Variants in LMAN1 observed in about 807,000 individuals in gnomAD.
LMAN1 encodes protein ERGIC-53.
Under a neutral mutation model 67.8 loss-of-function variants are expected in LMAN1, and 32 were observed. The ratio of observed to expected loss-of-function variants is 0.47; its 90% CI spans 0.36 to 0.63. The LOEUF (loss-of-function observed/expected upper bound fraction) is 0.63. Ranked by LOEUF, LMAN1 falls within the 30% of genes least tolerant of loss-of-function variation. LMAN1 has a pLI of 0.00. For synonymous variants in LMAN1, 235 were observed against 219.3 expected, an observed-to-expected ratio of 1.07 and a Z score of -0.63; for missense variants, 632 against 628.2, an observed-to-expected ratio of 1.01 and a Z score of -0.06.
At position 59,333,559 on chromosome 18, in the gene LMAN1, A is replaced by C. The variant is rs1908076261; in HGVS notation, c.1221-315T>G. The C allele has an allele frequency of 3.7e-5, 11 of 296,940 alleles. No individual in the cohort carries two copies. The South Asian group carries it at 3.7e-4, about 10-fold the overall frequency. The allele number at this position is 296,940 out of a possible 1,614,324, so 18.4% of individuals were successfully genotyped here. On this transcript the variant is annotated intron_variant, in intron 10 of 12. Transcript: ENST00000251047. Reference sequence around the variant, plus strand: ...TGATATTTTTAATGAAGTTATAATAAATCTTTCTAGGTGTTCAGCTGTACA... The same window carrying C: ...TGATATTTTTAATGAAGTTATAATACATCTTTCTAGGTGTTCAGCTGTACA...
chr18:59,351,982 T>C (rs985585638), intron 5 of LMAN1, among the ~76,000 whole-genome samples: 1 of 152,252 alleles, frequency 6.6e-6, no homozygotes, highest in African/African-American at 2.4e-5. Context: ...CTCAGAGATT[T>C]AGACCCAGGA....
chr18:59,341,401 T>G (rs1343944142), intron 8 of LMAN1, among the ~76,000 whole-genome samples: 1 of 152,160 alleles, frequency 6.6e-6, no homozygotes, highest in East Asian at 1.9e-4. Context: ...GGAATATACA[T>G]TCTTTTCACC....
At chr18:59,335,739 T>C (rs887514860) in intron 10 of LMAN1, among the ~76,000 whole-genome samples, 1 of 152,088 alleles carries the variant, frequency 6.6e-6, no homozygotes, top group Non-Finnish European at 1.5e-5. Context: ...ATATCAGCCA[T>C]AATGAAAAGA....
rs1568118365 is a variant in LMAN1, at chr18:59,354,544, C to T, written c.514G>A (p.Gly172Arg). ...TTTTGATGGTCATAATGGATTTGTC[C>T]ATTGTTGCCTATAATTACTATAGCA... ...NPAIVIIGNN[G>R]QIHYDHQNDG... Residue 172 changes from glycine to arginine, a missense_variant, in exon 4 of 13, where the codon GGA becomes AGA. Transcript: ENST00000251047. 1 of 1,514,488 alleles carries T rather than the reference C, an allele frequency of 6.6e-7. No individual in the cohort carries two copies. The highest frequency in any genetic ancestry group is 9.2e-7 in the Non-Finnish European group (1 of 1,090,312). The allele number at this position is 1,514,488 out of a possible 1,614,324, so 93.8% of individuals were successfully genotyped here. A position where few individuals can be genotyped will look rare whatever the true frequency, so the allele number is the denominator to read the frequency against.
intron 8 of LMAN1, 148 bp downstream of exon 8, chr18:59,345,771 G>A (rs1908386491): frequency 1.1e-6 from 1 of 906,894 alleles, no homozygotes; most frequent in South Asian, 1.5e-5. Context: ...AAAGACTAAA[G>A]ATTTGCTCCT....
chr18:59,342,887 T>C (rs765092848), intron 8 of LMAN1, among the ~76,000 whole-genome samples: 25 of 152,146 alleles, frequency 1.6e-4, no homozygotes, highest in South Asian at 8.3e-4. Flanking sequence ...TGATATGATC[T>C]TATATCTCAA....
intron 10 of LMAN1, among the ~76,000 whole-genome samples, 190 bp downstream of exon 10, chr18:59,338,367 T>G (rs1286414439): frequency 6.6e-6 from 1 of 152,204 alleles, no homozygotes; most frequent in African/African-American, 2.4e-5. Context: ...AATTAAAAAC[T>G]TTAGACATGT....
chr18:59,348,573 A>G (rs1239189047), intron 6 of LMAN1, among the ~76,000 whole-genome samples: 1 of 152,368 alleles, frequency 6.6e-6, no homozygotes, highest in East Asian at 1.9e-4. Context: ...TGTCATATAA[A>G]CATAAAATGG....
At chr18:59,335,918 A>G (rs1908136449) in intron 10 of LMAN1, among the ~76,000 whole-genome samples, 1 of 152,224 alleles carries the variant, frequency 6.6e-6, no homozygotes, top group Non-Finnish European at 1.5e-5. Context: ...TTATATGCAT[A>G]CTCAAGTGAA....
At chr18:59,341,039 C>T (rs1369106843) in intron 8 of LMAN1, among the ~76,000 whole-genome samples, 4 of 151,806 alleles carry the variant, frequency 2.6e-5, no homozygotes, top group Non-Finnish European at 5.9e-5. Context: ...ATAGTCCAAG[C>T]AAATGGAAAC....
intron 5 of LMAN1, 63 bp downstream of exon 5, chr18:59,353,139 T>A: frequency 7.3e-7 from 1 of 1,374,450 alleles, no homozygotes; most frequent in Non-Finnish European, 1.0e-6. Context: ...TATCAAAAAT[T>A]CAAAATGAAA....
rs2144204336 is a variant in LMAN1, at chr18:59,328,630, G to A, written c.*2463C>T. 1 of 151,874 alleles carries A rather than the reference G, an allele frequency of 6.6e-6. No homozygotes were observed. Among genetic ancestry groups the A allele is most frequent in the Admixed American group, 6.6e-5 (1 of 15,234 alleles). 9.4% of individuals were successfully genotyped at this position (151,874 alleles called of 1,614,324 possible). A position where few individuals can be genotyped will look rare whatever the true frequency, so the allele number is the denominator to read the frequency against. On this transcript the variant is annotated 3_prime_UTR_variant, in exon 13 of 13. Coordinates refer to ENST00000251047, the MANE Select transcript of LMAN1 (RefSeq NM_005570.4). ...AACATTGGTGTGCTCAGAATCTCCT[G>A]AGGTGCCTATTGAACAATGACATCC...
chr18:59,331,152 A>T (rs1425720215), intron 12 of LMAN1, 23 bp from the exon 13 acceptor site: 1 of 1,604,226 alleles, frequency 6.2e-7, no homozygotes, highest in Non-Finnish European at 8.5e-7. Context: ...AGAAACAAAC[A>T]CTTAAAGAAG....
intron 7 of LMAN1, 111 bp from the exon 8 acceptor site, chr18:59,346,162 T>A: frequency 1.2e-6 from 1 of 860,254 alleles, no homozygotes; most frequent in Non-Finnish European, 1.8e-6. Flanking sequence ...GCGGAAAGGT[T>A]AACATAAAAA....
At chr18:59,342,419 AC>A (rs1207727632) in intron 8 of LMAN1, among the ~76,000 whole-genome samples, 1 of 152,170 alleles carries the variant, frequency 6.6e-6, no homozygotes, top group East Asian at 1.9e-4. Flanking sequence ...AAAATCCTCT[AC>A]AGAATACCAG....
At chr18:59,331,999 T>G (rs1016651389) in intron 11 of LMAN1, among the ~76,000 whole-genome samples, 6 of 152,172 alleles carry the variant, frequency 3.9e-5, no homozygotes, top group African/African-American at 1.4e-4. Flanking sequence ...CAGTCCTCAT[T>G]CTCTACAATC....
intron 8 of LMAN1, among the ~76,000 whole-genome samples, chr18:59,341,960 GAC>G (rs1354223561): frequency 6.6e-6 from 1 of 151,942 alleles, no homozygotes; most frequent in Non-Finnish European, 1.5e-5. Context: ...AAAGAAGAGA[GAC>G]GATCCAAATA....
chr18:59,350,059 C>G (rs986364025), intron 5 of LMAN1, among the ~76,000 whole-genome samples: 1 of 152,130 alleles, frequency 6.6e-6, no homozygotes, highest in Non-Finnish European at 1.5e-5. Context: ...AAAATTTTGT[C>G]AGAGACTTAA....
chr18:59,346,867 A>G (rs1192035064), intron 7 of LMAN1, among the ~76,000 whole-genome samples: 2 of 152,036 alleles, frequency 1.3e-5, no homozygotes, highest in African/African-American at 4.8e-5. Context: ...AGCACTTGCT[A>G]TACGTGCACT....
Sources: allele counts gnomAD v4.1 joint callset (sites outside exome capture counted in the v4.1 genomes callset), GRCh38; gene constraint gnomAD v4.1.1; transcripts MANE v1.5; gene names NCBI Gene and HGNC (gene_info 2026-07-23, HGNC 2026-07-21).